Variants in ARL17B observed in about 807,000 individuals in gnomAD.
ARL17B encodes the protein ARF like GTPase 17B.
intron 4 of ARL17B, among the ~76,000 whole-genome samples, chr17:46,291,801 C>A (rs1290367084): frequency 6.6e-6 from 1 of 151,652 alleles, no homozygotes; most frequent in African/African-American, 2.4e-5. Context: ...AAAAAACACC[C>A]CAAAATTAGC....
chr17:46,280,099 G>T (rs377398273), intron 4 of ARL17B, among the ~76,000 whole-genome samples: 5 of 152,190 alleles, frequency 3.3e-5, no homozygotes, highest in Non-Finnish European at 7.3e-5. Flanking sequence ...CTGGCCAGGC[G>T]CGGTGGCTCA....
At chr17:46,285,430 C>T (rs878882574) in intron 4 of ARL17B, among the ~76,000 whole-genome samples, 1 of 151,912 alleles carries the variant, frequency 6.6e-6, no homozygotes, top group Non-Finnish European at 1.5e-5. Flanking sequence ...TTAGTAGAGA[C>T]GGGGTTTCAC....
In ARL17B at chr17:46,325,590, C is replaced by G. The variant is rs562228844; in HGVS notation, c.260-25925G>C. Reference sequence around the variant, plus strand: ...GTAATGTCTGATGTTTGATTGGATTCTGAATTTTTTAAGCCATGTTATGAT... The same window carrying G: ...GTAATGTCTGATGTTTGATTGGATTGTGAATTTTTTAAGCCATGTTATGAT... On this transcript the variant is annotated intron_variant, in intron 3 of 4. Coordinates refer to the ARL17B transcript ENST00000434041. Among the ~76,000 whole-genome samples the G allele has an allele frequency of 1.2e-3, 97 of 81,586 alleles. 24 individuals carry two copies. The highest frequency in any genetic ancestry group is 0.011 in the Middle Eastern group (1 of 88). 53.5% of individuals were successfully genotyped at this position (81,586 alleles called of 152,430 possible). A position where few individuals can be genotyped will look rare whatever the true frequency, so the allele number is the denominator to read the frequency against.
chr17:46,342,632 A>ATTTT (rs748174381), intron 3 of ARL17B, among the ~76,000 whole-genome samples: 45 of 56,232 alleles, frequency 8.0e-4, no homozygotes, highest in East Asian at 3.4e-3. Flanking sequence ...CTTAAGGACA[A>ATTTT]TTTTTTTTTT....
In ARL17B at chr17:46,323,921, G is replaced by A. The variant is rs1309006237; in HGVS notation, c.260-24256C>T. ...TGTACATACCATTTACACTGTATTA[G>A]GTACTTAGAGTATACCTGAGGCTGT... On this transcript the variant is annotated intron_variant, in intron 3 of 4. Transcript: ENST00000434041. Among the ~76,000 whole-genome samples, 13 of 99,206 alleles carry A rather than the reference G, an allele frequency of 1.3e-4. 6 individuals carry two copies. The South Asian group carries it at 6.7e-3, about 51-fold the overall frequency. The allele number at this position is 99,206 out of a possible 152,430, so 65.1% of individuals were successfully genotyped here. A position where few individuals can be genotyped will look rare whatever the true frequency, so the allele number is the denominator to read the frequency against.
At chr17:46,274,514 A>C (rs183901114), downstream of ARL17B, among the ~76,000 whole-genome samples, 2 of 152,368 alleles carry the variant, frequency 1.3e-5, no homozygotes, top group East Asian at 1.9e-4. Context: ...AAGAAAAGAC[A>C]TCTAGAGGTT....
chr17:46,282,412 TGTTTG>T (rs1187741973), intron 4 of ARL17B, among the ~76,000 whole-genome samples: 2 of 147,044 alleles, frequency 1.4e-5, no homozygotes, highest in South Asian at 2.1e-4. Context: ...CTCAGTTTTT[TGTTTG>T]TTTTTTTTTT....
At chr17:46,323,844 AACAACAAT>A (rs996966283) in intron 3 of ARL17B, among the ~76,000 whole-genome samples, 1 of 99,460 alleles carries the variant, frequency 1.0e-5, no homozygotes, top group Non-Finnish European at 2.3e-5. Flanking sequence ...AAATATATAA[AACAACAAT>A]ACAACAATAA....
downstream of ARL17B, chr17:46,334,766 C>T (rs2052210529): frequency 9.0e-6 from 1 of 111,716 alleles, no homozygotes; most frequent in Non-Finnish European, 1.9e-5. Flanking sequence ...CAGCTGCATG[C>T]AAGACCCTAA....
At chr17:46,277,653 C>CTTTCT (rs143961379) in intron 4 of ARL17B, among the ~76,000 whole-genome samples, 358 of 136,988 alleles carry the variant, frequency 2.6e-3, no homozygotes, top group African/African-American at 4.0e-3. Context: ...TTCTTTCTTT[C>CTTTCT]TTTTTTTTTT....
chr17:46,277,100 C>G (rs2049611350), intron 4 of ARL17B, among the ~76,000 whole-genome samples: 1 of 152,230 alleles, frequency 6.6e-6, no homozygotes, highest in Admixed American at 6.5e-5. Flanking sequence ...CCACTGCACA[C>G]AGCCTAATTT....
At chr17:46,288,444 G>A (rs2049978242) in intron 4 of ARL17B, among the ~76,000 whole-genome samples, 1 of 151,786 alleles carries the variant, frequency 6.6e-6, no homozygotes, top group Admixed American at 6.6e-5. Flanking sequence ...AAGTAGCTGG[G>A]ATTACAGGTG....
intron 4 of ARL17B, among the ~76,000 whole-genome samples, chr17:46,284,994 G>A (rs1351794500): frequency 6.6e-6 from 1 of 152,156 alleles, no homozygotes; most frequent in African/African-American, 2.4e-5. Context: ...CTCCCAAGTA[G>A]CTGGATAAAC....
At chr17:46,288,706 C>CTTTTTTTTTTTTTTTTTTTT (rs199591277) in intron 4 of ARL17B, among the ~76,000 whole-genome samples, 3 of 139,024 alleles carry the variant, frequency 2.2e-5, no homozygotes, top group Admixed American at 7.2e-5. Flanking sequence ...CTTGTTTTTT[C>CTTTTTTTTTTTTTTTTTTTT]TTTTTTTTTT....
At chr17:46,282,259 C>A (rs1312362800) in intron 4 of ARL17B, among the ~76,000 whole-genome samples, 1 of 151,292 alleles carries the variant, frequency 6.6e-6, no homozygotes, top group African/African-American at 2.4e-5. Context: ...TCTGCCACCA[C>A]GCCCGCCTAA....
intron 4 of ARL17B, among the ~76,000 whole-genome samples, chr17:46,283,501 C>T (rs1382089497): frequency 2.6e-5 from 4 of 152,330 alleles, no homozygotes; most frequent in African/African-American, 4.8e-5. Context: ...GTTTTAAATG[C>T]GATACATGAA....
At chr17:46,285,840 C>T (rs1201983563) in intron 4 of ARL17B, among the ~76,000 whole-genome samples, 1 of 152,208 alleles carries the variant, frequency 6.6e-6, no homozygotes, top group East Asian at 1.9e-4. Flanking sequence ...CCTAGAAATG[C>T]TTCCAAAATT....
chr17:46,282,200 T>G (rs113422280), intron 4 of ARL17B, among the ~76,000 whole-genome samples: 15,198 of 146,206 alleles, frequency 0.1, no homozygotes, highest in Non-Finnish European at 0.16. Context: ...TCTCCCGGGT[T>G]CATGCCATTC....
downstream of ARL17B, among the ~76,000 whole-genome samples, chr17:46,298,723 CAAAA>C (rs1189992034): frequency 2.5e-5 from 1 of 40,416 alleles, no homozygotes; most frequent in African/African-American, 8.2e-5. Context: ...GACTCCATCT[CAAAA>C]AAAAAAAAAA....
Sources: gnomAD v4.1 joint callset for allele counts (sites outside exome capture counted in the v4.1 genomes callset) on GRCh38, gnomAD v4.1.1 for gene constraint, MANE v1.5 for transcripts, NCBI Gene and HGNC (gene_info 2026-07-23, HGNC 2026-07-21) for gene names.